Variants in PXDNL observed in about 807,000 individuals in gnomAD.
PXDNL encodes the protein probable oxidoreductase PXDNL.
A neutral mutation model predicts 150.8 loss-of-function variants in PXDNL; 145 were observed. The observed-to-expected ratio is 0.96, with a 90% CI of 0.84 to 1.10. The LOEUF (loss-of-function observed/expected upper bound fraction) is 1.10. Ranked by LOEUF, PXDNL falls within the 50% of genes least tolerant of loss-of-function variation. The probability of loss-of-function intolerance (pLI) is 0.00; values close to 1 mark genes in which losing one functional copy is unlikely to be tolerated. For synonymous variants in PXDNL, 757 were observed against 725.7 expected, an observed-to-expected ratio of 1.04 and a Z score of -0.69; for missense variants, 2,087 against 1,873.9, an observed-to-expected ratio of 1.11 and a Z score of -2.10.
chr8:51,325,315 C>T (rs1805449372), intron 21 of PXDNL, among the ~76,000 whole-genome samples: 1 of 152,164 alleles, frequency 6.6e-6, no homozygotes, highest in Non-Finnish European at 1.5e-5. Flanking sequence ...CTTACTTAAG[C>T]CTTCTGGTTT....
chr8:51,806,551 G>A (rs1206060658), intron 1 of PXDNL, among the ~76,000 whole-genome samples: 1 of 152,104 alleles, frequency 6.6e-6, no homozygotes, highest in Non-Finnish European at 1.5e-5. Context: ...GAGTAGAGGA[G>A]CAATTTTTAC....
In PXDNL at chr8:51,694,132, C is replaced by T. The variant is rs528963297; in HGVS notation, c.165-39372G>A. On this transcript the variant is annotated intron_variant, in intron 1 of 22. Coordinates refer to ENST00000356297, the MANE Select transcript of PXDNL (RefSeq NM_144651.5). ...CTTCACCATGGGAGGCCGAGGTGGG[C>T]GGATCACTTGAGGTCAGGAGTTGGA... 9.9e-5 allele frequency among the ~76,000 whole-genome samples: 15 copies of T among 152,230 alleles called. No homozygotes were observed. The South Asian group carries it at 1.7e-3, about 17-fold the overall frequency.
chr8:51,493,701 T>C (rs1235360159), intron 5 of PXDNL, among the ~76,000 whole-genome samples: 3 of 152,108 alleles, frequency 2.0e-5, no homozygotes, highest in African/African-American at 7.2e-5. Flanking sequence ...ATCAAATGAA[T>C]GAAATGAAGC....
chr8:51,621,421 A>T (rs1183081413), intron 2 of PXDNL, among the ~76,000 whole-genome samples: 1 of 150,150 alleles, frequency 6.7e-6, no homozygotes, highest in African/African-American at 2.5e-5. Flanking sequence ...ATAAAATAAC[A>T]TTACAAAAGA....
chr8:51,486,794 ATTTTTTTT>A (rs1195750381), intron 5 of PXDNL, among the ~76,000 whole-genome samples: 27 of 24,662 alleles, frequency 1.1e-3, no homozygotes, highest in South Asian at 4.9e-3. Context: ...ATATATATAT[ATTTTTTTT>A]TTTTTTTTTT....
intron 1 of PXDNL, among the ~76,000 whole-genome samples, chr8:51,722,808 A>G (rs570517196): frequency 1.3e-5 from 2 of 152,274 alleles, no homozygotes; most frequent in African/African-American, 2.4e-5. Context: ...GGATGGGGAC[A>G]TGGCAGACCA....
intron 1 of PXDNL, among the ~76,000 whole-genome samples, chr8:51,805,930 A>G (rs1481786189): frequency 6.6e-6 from 1 of 152,184 alleles, no homozygotes; most frequent in Non-Finnish European, 1.5e-5. Context: ...CAGGCTCCCT[A>G]AAGATGCTGT....
In PXDNL at chr8:51,661,503, C is replaced by G. The variant is rs550585016; in HGVS notation, c.165-6743G>C. ...GGGCCTCATCCAGTCAGTTGAAGGC[C>G]TTAAGAGGAAAGCCCCAGGTCCGCT... On this transcript the variant is annotated intron_variant, in intron 1 of 22. Coordinates refer to ENST00000356297, the MANE Select transcript of PXDNL (RefSeq NM_144651.5). 6.0e-4 allele frequency among the ~76,000 whole-genome samples: 92 copies of G among 152,322 alleles called. 1 individual carries two copies. Among genetic ancestry groups the G allele is most frequent in the Admixed American group, 4.1e-3 (63 of 15,302 alleles).
At chr8:51,608,128 G>A (rs1350016577) in intron 2 of PXDNL, among the ~76,000 whole-genome samples, 5 of 148,320 alleles carry the variant, frequency 3.4e-5, no homozygotes, top group African/African-American at 5.2e-5. Flanking sequence ...GGTCGCTCAC[G>A]CCTGTAATCC....
chr8:51,391,789 T>A (rs1381559445), intron 17 of PXDNL, among the ~76,000 whole-genome samples: 1 of 152,136 alleles, frequency 6.6e-6, no homozygotes, highest in African/African-American at 2.4e-5. Flanking sequence ...TTGCTTTTGG[T>A]GTTTTAGACA....
chr8:51,577,593 C>CATATATATAT (rs35173075), intron 3 of PXDNL, among the ~76,000 whole-genome samples: 2 of 142,206 alleles, frequency 1.4e-5, no homozygotes, highest in East Asian at 2.0e-4. Flanking sequence ...TATCTATCTA[C>CATATATATAT]ATATATATAT....
At chr8:51,445,880 G>A (rs1809659880) in intron 12 of PXDNL, among the ~76,000 whole-genome samples, 1 of 152,002 alleles carries the variant, frequency 6.6e-6, no homozygotes, top group South Asian at 2.1e-4. Flanking sequence ...GTCATAGCCT[G>A]ACACCTTTCC....
At chr8:51,479,790 A>G (rs987906307) in intron 6 of PXDNL, among the ~76,000 whole-genome samples, 1 of 152,164 alleles carries the variant, frequency 6.6e-6, no homozygotes, top group African/African-American at 2.4e-5. Context: ...TGATGGTTAC[A>G]CTAAAAACCC....
At chr8:51,496,746 C>T (rs1293276387) in intron 5 of PXDNL, among the ~76,000 whole-genome samples, 1 of 151,810 alleles carries the variant, frequency 6.6e-6, no homozygotes, top group Non-Finnish European at 1.5e-5. Context: ...TGAAGGACCC[C>T]CAAGGAGAAC....
intron 1 of PXDNL, among the ~76,000 whole-genome samples, chr8:51,719,676 G>A (rs1049911783): frequency 2.7e-5 from 4 of 149,876 alleles, no homozygotes; most frequent in East Asian, 2.0e-4. Flanking sequence ...CTTCTAATGA[G>A]AATTTTAAAA....
intron 1 of PXDNL, among the ~76,000 whole-genome samples, chr8:51,790,481 C>T (rs558465991): frequency 6.6e-6 from 1 of 152,348 alleles, no homozygotes; most frequent in East Asian, 1.9e-4. Flanking sequence ...ATAAAGCCTT[C>T]TGTTTTCTAA....
chr8:51,422,910 C>A (rs1046058622), intron 14 of PXDNL, among the ~76,000 whole-genome samples: 1 of 152,186 alleles, frequency 6.6e-6, no homozygotes, highest in Non-Finnish European at 1.5e-5. Flanking sequence ...ACAGTCTACT[C>A]AAGTCTGCCT....
intron 5 of PXDNL, among the ~76,000 whole-genome samples, chr8:51,492,158 C>G (rs377139885): frequency 6.6e-6 from 1 of 152,192 alleles, no homozygotes; most frequent in Non-Finnish European, 1.5e-5. Context: ...TTAAGGGCAT[C>G]CTTTTTTAAA....
chr8:51,431,163 G>C (rs950467615), intron 12 of PXDNL, among the ~76,000 whole-genome samples: 1 of 152,082 alleles, frequency 6.6e-6, no homozygotes, highest in African/African-American at 2.4e-5. Context: ...TGGATCATTA[G>C]AGTTGCAAAT....
Sources: allele counts gnomAD v4.1 joint callset (sites outside exome capture counted in the v4.1 genomes callset), GRCh38; gene constraint gnomAD v4.1.1; transcripts MANE v1.5; gene names NCBI Gene and HGNC (gene_info 2026-07-23, HGNC 2026-07-21).